The following PRPF38B variants were observed in gnomAD, a reference collection of about 807,000 sequenced individuals.
PRPF38B encodes the protein pre-mRNA processing factor 38B.
In PRPF38B, 18 loss-of-function variants were observed where a neutral mutation model predicts 67.2. The ratio of observed to expected loss-of-function variants is 0.27; its 90% CI spans 0.19 to 0.40. The LOEUF (loss-of-function observed/expected upper bound fraction) is 0.40, where lower values mean the gene tolerates loss of function less well. PRPF38B is among the 10% of genes least tolerant of loss of function. PRPF38B has a pLI of 1.00. For missense variants in PRPF38B, 544 were observed against 684.9 expected, an observed-to-expected ratio of 0.79 and a Z score of 2.30; for synonymous variants, 246 against 234.2, an observed-to-expected ratio of 1.05 and a Z score of -0.46.
At chr1:108,695,233 T>C in intron 1 of PRPF38B, among the ~76,000 whole-genome samples, 2 of 152,354 alleles carry the variant, frequency 1.3e-5, no homozygotes, top group Admixed American at 1.3e-4. Flanking sequence ...ATTGAACTAT[T>C]GAAGGTGTTT....
chr1:108,697,077 CA>C (rs899052128), intron 4 of PRPF38B: 29 of 260,824 alleles, frequency 1.1e-4, no homozygotes, highest in Non-Finnish European at 1.6e-4. Flanking sequence ...CTCATCTCTA[CA>C]AAAAAAAGTT....
intron 1 of PRPF38B, 62 bp from the exon 2 acceptor site, chr1:108,695,639 TA>T (rs769839688): frequency 4.0e-5 from 62 of 1,542,712 alleles, no homozygotes; most frequent in Non-Finnish European, 5.2e-5. Flanking sequence ...GGTTTACTTT[TA>T]TCAGGCTTTT....
chr1:108,697,029 TC>T, intron 4 of PRPF38B: 1 of 446,626 alleles, frequency 2.2e-6, no homozygotes, highest in Non-Finnish European at 4.0e-6. Flanking sequence ...TCCCAACACT[TC>T]GAGAGTTCAA....
At position 108,692,765 on chromosome 1, in the gene PRPF38B, C is replaced by G. The variant is rs770595599; in HGVS notation, c.174C>G (p.Leu58=). Residue 58 remains leucine, a synonymous_variant, in exon 1 of 6, where the codon CTC becomes CTG. Coordinates refer to ENST00000370025, the MANE Select transcript of PRPF38B (RefSeq NM_018061.4). ...PLWGNEKTMN[L]NPMILTNILS... ...GGGGCAACGAGAAGACCATGAACCT[C>G]AACCCCATGATCCTGACCAACATCC... is the stretch of plus-strand genomic sequence containing the variant. 1.1e-5 allele frequency: 17 copies of G among 1,614,040 alleles called. No individual in the cohort carries two copies. The highest frequency in any genetic ancestry group is 1.7e-5 in the Admixed American group (1 of 60,014).
Position 108,700,107 on chromosome 1 carries a change from G to T in PRPF38B, c.*87G>T. 1 of 1,496,580 alleles carries T rather than the reference G, an allele frequency of 6.7e-7. No individual in the cohort carries two copies. The highest frequency in any genetic ancestry group is 8.9e-7 in the Non-Finnish European group (1 of 1,128,440). The allele number at this position is 1,496,580 out of a possible 1,614,324, so 92.7% of individuals were successfully genotyped here. A position where few individuals can be genotyped will look rare whatever the true frequency, so the allele number is the denominator to read the frequency against. On this transcript the variant is annotated 3_prime_UTR_variant, in exon 6 of 6. Coordinates refer to ENST00000370025, the MANE Select transcript of PRPF38B (RefSeq NM_018061.4). The stretch of plus-strand genomic sequence containing the variant: ...CCACGTTGAGATTGTGCAGTAGTTC[G>T]CACTCCTCAAGCTCTCCCTGTAGGC...
chr1:108,700,180 AT>A lies in PRPF38B; in HGVS notation c.*163del. On this transcript the variant is annotated 3_prime_UTR_variant, in exon 6 of 6. Transcript: ENST00000370025. ...TGTAGGGAAGTGCCTTTGTAATTCC[AT>A]TTATTGCATTGGTGTTTTCACCCAA... is the stretch of plus-strand genomic sequence containing the variant. The A allele has an allele frequency of 8.3e-7, 1 of 1,200,062 alleles. No individual in the cohort carries two copies. The highest frequency in any genetic ancestry group is 1.1e-6 in the Non-Finnish European group (1 of 905,388). The allele number at this position is 1,200,062 out of a possible 1,614,324, so 74.3% of individuals were successfully genotyped here.
chr1:108,695,671 T>C (rs776971677), intron 1 of PRPF38B, 31 bp from the exon 2 acceptor site: 1 of 1,608,702 alleles, frequency 6.2e-7, no homozygotes, highest in Admixed American at 1.7e-5. Flanking sequence ...AAAGTATGAA[T>C]GTTTGTTGTG....
In PRPF38B at chr1:108,700,189, A is replaced by G. The variant is rs1381609659; in HGVS notation, c.*169A>G. The G allele has an allele frequency of 3.4e-6, 4 of 1,176,086 alleles. No individual in the cohort carries two copies. The highest frequency in any genetic ancestry group is 1.6e-5 in the African/African-American group (1 of 64,202). 72.9% of individuals were successfully genotyped at this position (1,176,086 alleles called of 1,614,324 possible). On this transcript the variant is annotated 3_prime_UTR_variant, in exon 6 of 6. Transcript: ENST00000370025. Reference sequence around the variant, plus strand: ...GTGCCTTTGTAATTCCATTTATTGCATTGGTGTTTTCACCCAATTGTTAAG... The same window carrying G: ...GTGCCTTTGTAATTCCATTTATTGCGTTGGTGTTTTCACCCAATTGTTAAG...
chr1:108,695,946 A>G, intron 2 of PRPF38B, 97 bp from the exon 3 acceptor site: 6 of 1,414,932 alleles, frequency 4.2e-6, no homozygotes, highest in East Asian at 2.3e-5. Flanking sequence ...TTAGTTCTGG[A>G]TTATGGATTG....
chr1:108,692,791 T>C lies in PRPF38B; in HGVS notation c.200T>C (p.Leu67Pro). 1 of 1,614,166 alleles carries C rather than the reference T, an allele frequency of 6.2e-7. No homozygotes were observed. Among genetic ancestry groups the C allele is most frequent in the Non-Finnish European group, 8.5e-7 (1 of 1,180,026 alleles). The change falls in exon 1 of 6, where the codon CTG becomes CCG. Residue 67 changes from leucine (L) to proline (P), a missense_variant. This residue lies in a region of PRPF38B where 26 missense variants were observed against 67.7 expected (regional missense o/e 0.38). Transcript: ENST00000370025. Reference sequence around the variant, plus strand: ...AACCCCATGATCCTGACCAACATCCTGTCGTCGCCTTACTTCAAAGTACAG... The same window carrying C: ...AACCCCATGATCCTGACCAACATCCCGTCGTCGCCTTACTTCAAAGTACAG... ...NLNPMILTNI[L>P]SSPYFKVQLY... is the part of the protein sequence containing the mutation.
In PRPF38B at chr1:108,701,260, A is replaced by G. The variant is rs1660463792; in HGVS notation, c.*1240A>G. On this transcript the variant is annotated 3_prime_UTR_variant, in exon 6 of 6. Coordinates refer to ENST00000370025, the MANE Select transcript of PRPF38B (RefSeq NM_018061.4). ...ATATTGTGGAAATTGATGAAACGTC[A>G]GTAGAGTCACACTTTGTGTACAGGG... The G allele has an allele frequency of 6.5e-6, 1 of 152,674 alleles. No homozygotes were observed. The highest frequency in any genetic ancestry group is 1.5e-5 in the Non-Finnish European group (1 of 68,050). 9.5% of individuals were successfully genotyped at this position (152,674 alleles called of 1,614,324 possible). A position where few individuals can be genotyped will look rare whatever the true frequency, so the allele number is the denominator to read the frequency against.
chr1:108,700,016 T>A lies in PRPF38B; in HGVS notation c.1637T>A (p.Val546Glu). The A allele has an allele frequency of 6.4e-7, 1 of 1,574,494 alleles. No homozygotes were observed. The highest frequency in any genetic ancestry group is 8.6e-7 in the Non-Finnish European group (1 of 1,166,488). ...CAGCATAAAAACAAAGATGAGACTG[T>A]GTGAAAATATTTTGTAAAAGTGGAT... ...EKQHKNKDET[V>E] Residue 546 changes from valine to glutamate, a missense_variant, in exon 6 of 6, where the codon GTG becomes GAG. Physicochemically the swap from Val to Glu is moderately radical, Grantham distance 121 (BLOSUM62 -2). Around this residue, in one of 5 missense-constraint regions of PRPF38B, gnomAD observed 387 missense variants for 386.1 expected, o/e 1.00. Transcript: ENST00000370025.
In PRPF38B at chr1:108,700,755, C is replaced by T. The variant is rs1557775607; in HGVS notation, c.*735C>T. 1 of 152,496 alleles carries T rather than the reference C, an allele frequency of 6.6e-6. No homozygotes were observed. The highest frequency in any genetic ancestry group is 2.4e-5 in the African/African-American group (1 of 41,408). 9.4% of individuals were successfully genotyped at this position (152,496 alleles called of 1,614,324 possible). A position where few individuals can be genotyped will look rare whatever the true frequency, so the allele number is the denominator to read the frequency against. On this transcript the variant is annotated 3_prime_UTR_variant, in exon 6 of 6. Transcript: ENST00000370025. Reference sequence around the variant, plus strand: ...CTTTTTTATTTGAAAAAATACATGACATGTAATCTTTTTTTCTTGAATTCT... The same window carrying T: ...CTTTTTTATTTGAAAAAATACATGATATGTAATCTTTTTTTCTTGAATTCT...
rs1162804774 is a variant in PRPF38B, at chr1:108,702,003, G to GT, written c.*1987dup. Among the ~76,000 whole-genome samples the GT allele has an allele frequency of 1.3e-5, 2 of 152,188 alleles. No individual in the cohort carries two copies. Among genetic ancestry groups the GT allele is most frequent in the African/African-American group, 4.8e-5 (2 of 41,440 alleles). ...CTTTGGATATGGTTCCATGTGAAAT[G>GT]TTTTATCTGACTATTTTAAGTAAAA... On this transcript the variant is annotated 3_prime_UTR_variant, in exon 6 of 6. Coordinates refer to ENST00000370025, the MANE Select transcript of PRPF38B (RefSeq NM_018061.4).
chr1:108,702,373 C>T lies in PRPF38B; in HGVS notation c.*2353C>T, dbSNP rs1660597795. Among the ~76,000 whole-genome samples the T allele has an allele frequency of 6.6e-6, 1 of 152,326 alleles. No individual in the cohort carries two copies. Among genetic ancestry groups the T allele is most frequent in the African/African-American group, 2.4e-5 (1 of 41,574 alleles). ...TCCTGGCCTCAAGTGATCCACCCACCTCAGCCTCCCAAAGCGCTGTGATTA... is the reference window on the plus strand; with the variant it reads ...TCCTGGCCTCAAGTGATCCACCCACTTCAGCCTCCCAAAGCGCTGTGATTA... On this transcript the variant is annotated 3_prime_UTR_variant, in exon 6 of 6. Transcript: ENST00000370025.
At chr1:108,693,782 A>G (rs1049212684) in intron 1 of PRPF38B, 4 of 243,396 alleles carry the variant, frequency 1.6e-5, no homozygotes, top group Non-Finnish European at 2.6e-5. Context: ...CTTCCCTGCA[A>G]ATTATGTAGT....
intron 2 of PRPF38B, 60 bp from the exon 3 acceptor site, chr1:108,695,983 A>C: frequency 6.5e-7 from 1 of 1,529,730 alleles, no homozygotes; most frequent in Non-Finnish European, 8.9e-7. Context: ...GGATTAATCA[A>C]TTGGTGTTAA....
Position 108,700,149 on chromosome 1 carries a change from C to G in PRPF38B, c.*129C>G. The G allele has an allele frequency of 1.4e-6, 2 of 1,397,320 alleles. No homozygotes were observed. Among genetic ancestry groups the G allele is most frequent in the East Asian group, 2.5e-5 (1 of 40,172 alleles). The allele number at this position is 1,397,320 out of a possible 1,614,324, so 86.6% of individuals were successfully genotyped here. A position where few individuals can be genotyped will look rare whatever the true frequency, so the allele number is the denominator to read the frequency against. ...CCTGTAGGCTGCATTTTCATTTCCTCTTTCGTGTAGGGAAGTGCCTTTGTA... is the reference window on the plus strand; with the variant it reads ...CCTGTAGGCTGCATTTTCATTTCCTGTTTCGTGTAGGGAAGTGCCTTTGTA... On this transcript the variant is annotated 3_prime_UTR_variant, in exon 6 of 6. Transcript: ENST00000370025.
intron 4 of PRPF38B, chr1:108,697,572 A>C (rs1660028461): frequency 1.2e-4 from 18 of 145,930 alleles, no homozygotes. Context: ...CTGTTAACTG[A>C]GTTACTTCAC....
Sources: allele counts gnomAD v4.1 joint callset (sites outside exome capture counted in the v4.1 genomes callset), GRCh38; gene constraint gnomAD v4.1.1; regional missense constraint gnomAD v4.1.1; transcripts MANE v1.5; gene names NCBI Gene and HGNC (gene_info 2026-07-23, HGNC 2026-07-21).